SPMAP2: variants seen among roughly 807,000 people sequenced by gnomAD.
SPMAP2 encodes sperm microtubule associated protein 2.
chr19:373,927 G>C, the SPMAP2 span: 1 of 1,612,038 alleles, frequency 6.2e-7, no homozygotes, highest in African/African-American at 1.3e-5. Flanking sequence ...GGCGGAGACA[G>C]CCCTGGACTT....
the SPMAP2 span, among the ~76,000 whole-genome samples, chr19:363,590 G>A: frequency 6.6e-6 from 1 of 151,798 alleles, no homozygotes; most frequent in African/African-American, 2.4e-5. Flanking sequence ...CTGGAGTGCA[G>A]TAGCATGACC....
At chr19:362,307 G>A in the SPMAP2 span, 25 of 1,609,268 alleles carry the variant, frequency 1.6e-5, no homozygotes, top group African/African-American at 9.4e-5. Flanking sequence ...AGGCCCTTGC[G>A]CACTTTGGGC....
At chr19:364,184 A>T in the SPMAP2 span, among the ~76,000 whole-genome samples, 323 of 150,594 alleles carry the variant, frequency 2.1e-3, 3 homozygotes, top group African/African-American at 2.9e-3. Context: ...ATACAAAAAA[A>T]AAATTAGCCG....
At chr19:371,408 G>A in the SPMAP2 span, 27 of 574,150 alleles carry the variant, frequency 4.7e-5, no homozygotes, top group Non-Finnish European at 6.9e-5. Flanking sequence ...GTGTGTGTAT[G>A]TGTCTGTCTG....
chr19:374,572 G>A, the SPMAP2 span: 6 of 1,135,750 alleles, frequency 5.3e-6, no homozygotes, highest in Non-Finnish European at 6.1e-6. Context: ...CTCTGAGGGA[G>A]GACTTTGGCA....
At chr19:370,870 C>T in the SPMAP2 span, among the ~76,000 whole-genome samples, 8 of 150,452 alleles carry the variant, frequency 5.3e-5, no homozygotes, top group Admixed American at 6.6e-5. Context: ...AGGTACAGGG[C>T]GTAGAGCGAG....
chr19:370,231 A>G, the SPMAP2 span, among the ~76,000 whole-genome samples: 1 of 152,230 alleles, frequency 6.6e-6, no homozygotes, highest in Non-Finnish European at 1.5e-5. Context: ...ACCATTGGTC[A>G]GTTTTTTAAA....
chr19:363,765 C>T, the SPMAP2 span, among the ~76,000 whole-genome samples: 1 of 151,886 alleles, frequency 6.6e-6, no homozygotes, highest in African/African-American at 2.4e-5. Flanking sequence ...GAACTCCTGA[C>T]TTCAGGCAAC....
chr19:362,096 C>T, the SPMAP2 span: 68 of 771,780 alleles, frequency 8.8e-5, no homozygotes, highest in Non-Finnish European at 1.2e-4. Flanking sequence ...CCTCATCCTT[C>T]TTTTGGCCTT....
At chr19:375,975 C>G in the SPMAP2 span, 3 of 1,393,450 alleles carry the variant, frequency 2.2e-6, no homozygotes, top group Admixed American at 2.8e-5. Context: ...CCCCATACAC[C>G]GGTCCCTTCC....
At chr19:367,021 T>G in the SPMAP2 span, 1 of 1,599,750 alleles carries the variant, frequency 6.3e-7, no homozygotes, top group Non-Finnish European at 8.5e-7. Flanking sequence ...CCTTGGGATC[T>G]GAACAGGACA....
the SPMAP2 span, chr19:375,838 G>A: frequency 4.4e-6 from 7 of 1,604,064 alleles, no homozygotes; most frequent in South Asian, 5.6e-5. Flanking sequence ...TGGCGTTCGG[G>A]GTCTGTGACC....
the SPMAP2 span, chr19:374,568 G>A: frequency 8.4e-7 from 1 of 1,191,050 alleles, no homozygotes; most frequent in Non-Finnish European, 1.2e-6. Flanking sequence ...GGGTCTCTGA[G>A]GGAGGACTTT....
chr19:362,439 G>A, the SPMAP2 span: 1 of 1,587,352 alleles, frequency 6.3e-7, no homozygotes, highest in African/African-American at 1.3e-5. Context: ...AGTGGGGGCA[G>A]AAGAGAAGGA....
the SPMAP2 span, among the ~76,000 whole-genome samples, chr19:372,137 C>T: frequency 2.6e-5 from 4 of 152,204 alleles, no homozygotes; most frequent in Non-Finnish European, 1.5e-5. Flanking sequence ...GACACACTTC[C>T]GCTGTCTACT....
chr19:374,244 G>A, the SPMAP2 span: 2 of 1,602,418 alleles, frequency 1.2e-6, no homozygotes, highest in South Asian at 2.2e-5. Context: ...CGGGAAGGGT[G>A]CAGAGAAAGC....
chr19:370,896 T>TG, the SPMAP2 span, among the ~76,000 whole-genome samples: 2 of 152,096 alleles, frequency 1.3e-5, no homozygotes, highest in Non-Finnish European at 2.9e-5. Flanking sequence ...TGGTTGCCGG[T>TG]GGCCAGGAGT....
At chr19:372,809 G>T in the SPMAP2 span, 1 of 1,025,188 alleles carries the variant, frequency 9.8e-7, no homozygotes, top group Non-Finnish European at 1.5e-6. Context: ...GCAGGAGGCT[G>T]AATTGGAAGA....
the SPMAP2 span, among the ~76,000 whole-genome samples, chr19:363,576 C>A: frequency 1.3e-5 from 2 of 152,014 alleles, no homozygotes; most frequent in Non-Finnish European, 2.9e-5. Flanking sequence ...CTCTGTTGCC[C>A]AGGCTGGAGT....
Sources: allele counts gnomAD v4.1 joint callset (sites outside exome capture counted in the v4.1 genomes callset), GRCh38; gene constraint gnomAD v4.1.1; transcripts MANE v1.5; gene names NCBI Gene and HGNC (gene_info 2026-07-23, HGNC 2026-07-21).